Variants in PARP10 observed in about 807,000 individuals in gnomAD.
The protein encoded by PARP10 is protein mono-ADP-ribosyltransferase PARP10.
In PARP10, 56 loss-of-function variants were observed where a neutral mutation model predicts 82.4. The ratio of observed to expected loss-of-function variants is 0.68; its 90% CI spans 0.55 to 0.85. PARP10 has a LOEUF of 0.85. PARP10 is among the 40% of genes least tolerant of loss of function. The pLI is 0.00. For synonymous variants in PARP10, 576 were observed against 601.1 expected (o/e 0.96, Z 0.61); for missense variants, 1,227 against 1,379.4 (o/e 0.89, Z 1.75).
At position 143,986,398 on chromosome 8, in the gene PARP10, G is replaced by A. The variant is rs1224349322; in HGVS notation, c.-39C>T. The A allele has an allele frequency of 2.1e-5, 34 of 1,614,012 alleles. No homozygotes were observed. The highest frequency in any genetic ancestry group is 2.7e-5 in the Non-Finnish European group (32 of 1,179,992). On this transcript the variant is annotated 5_prime_UTR_variant, in exon 1 of 11. Transcript: ENST00000313028. ...TAGGCAGCCTCAGGCCATGAGCTCA[G>A]CCAGGACTCCTGTGCCTGCCCCTCA...
At chr8:143,994,028 C>G (rs1554751031), upstream of PARP10, among the ~76,000 whole-genome samples, 2 of 152,222 alleles carry the variant, frequency 1.3e-5, no homozygotes, top group Admixed American at 6.5e-5. Context: ...CAGGGGGTCC[C>G]TCCATTGCCT....
chr8:144,006,490 C>T (rs1477830395), intron 1 of PARP10, among the ~76,000 whole-genome samples: 2 of 152,196 alleles, frequency 1.3e-5, no homozygotes, highest in African/African-American at 4.8e-5. Context: ...GTGATGAAGA[C>T]TTTGGGGGCC....
intron 1 of PARP10, among the ~76,000 whole-genome samples, chr8:144,004,378 T>A (rs1395260069): frequency 1.3e-5 from 2 of 152,040 alleles, no homozygotes; most frequent in Non-Finnish European, 1.5e-5. Context: ...TGGGGACAGT[T>A]TTCGTTTTAC....
chr8:144,003,333 G>A (rs1216973380), intron 1 of PARP10, among the ~76,000 whole-genome samples: 1 of 151,270 alleles, frequency 6.6e-6, no homozygotes, highest in African/African-American at 2.4e-5. Context: ...TGAGGCACAA[G>A]GATCGCTTGA....
intron 9 of PARP10, among the ~76,000 whole-genome samples, chr8:143,981,969 G>A (rs1833872845): frequency 6.6e-6 from 1 of 151,756 alleles, no homozygotes; most frequent in Non-Finnish European, 1.5e-5. Flanking sequence ...TCATGGTGAT[G>A]GTGTGATGGT....
Position 143,977,929 on chromosome 8 carries a change from G to GT in PARP10, c.2708dup (p.Asn903LysfsTer39). The GT allele has an allele frequency of 6.2e-7, 1 of 1,601,294 alleles. No individual in the cohort carries two copies. Among genetic ancestry groups the GT allele is most frequent in the Non-Finnish European group, 8.5e-7 (1 of 1,179,446 alleles). On this transcript the variant is annotated frameshift_variant, in exon 10 of 11. Transcript: ENST00000313028. LOFTEE classifies it low-confidence loss of function (END_TRUNC). ...CACCGTTGCGGCCGCAGAAGCTGCGGTTGAAGCCGTGGGCGCAGATGTCAG... is the reference window on the plus strand; with the variant it reads ...CACCGTTGCGGCCGCAGAAGCTGCGGTTTGAAGCCGTGGGCGCAGATGTCAG...
chr8:143,992,423 T>TCCCAGG (rs1554750699), upstream of PARP10: 6 of 1,613,066 alleles, frequency 3.7e-6, no homozygotes, highest in Admixed American at 1.0e-4. Flanking sequence ...TGAGCAGCTT[T>TCCCAGG]CCCAGGCCCA....
intron 1 of PARP10, among the ~76,000 whole-genome samples, chr8:144,001,896 G>GTGTGTA (rs1834206020): frequency 6.6e-6 from 1 of 151,734 alleles, no homozygotes; most frequent in African/African-American, 2.4e-5. Flanking sequence ...GTGTGTGTGT[G>GTGTGTA]TGTGTGTGTG....
upstream of PARP10, chr8:143,992,361 C>T (rs782651421): frequency 2.5e-6 from 4 of 1,600,022 alleles, no homozygotes; most frequent in African/African-American, 1.3e-5. Context: ...CCGTCGTCAT[C>T]TTCTCCATGC....
Position 143,977,756 on chromosome 8 carries a change from T to TGG in PARP10, c.2804_2805dup (p.Asn936ProfsTer15). On this transcript the variant is annotated frameshift_variant, in exon 11 of 11. Coordinates refer to ENST00000313028, the MANE Select transcript of PARP10 (RefSeq NM_032789.5). LOFTEE classifies it low-confidence loss of function (END_TRUNC). ...AACACCGCCTTATGGCCATCGGCGT[T>TGG]GGGGGGCGAGTAGCGGTCCTGCACC... 6.2e-7 allele frequency: 1 copy of TGG among 1,604,308 alleles called. No individual in the cohort carries two copies. Among genetic ancestry groups the TGG allele is most frequent in the Non-Finnish European group, 8.5e-7 (1 of 1,176,176 alleles).
rs782272919 is a variant in PARP10 at position 143,985,964 on chromosome 8, C to A, written c.193G>T (p.Val65Phe). The A allele has an allele frequency of 1.9e-6, 3 of 1,588,894 alleles. No individual in the cohort carries two copies. Among genetic ancestry groups the A allele is most frequent in the African/African-American group, 1.3e-5 (1 of 74,580 alleles). The change falls in exon 3 of 11, where the codon GTC (valine) becomes TTC (phenylalanine). Residue 65 changes from valine to phenylalanine, a missense_variant. Val to Phe is a conservative substitution (Grantham distance 50, BLOSUM62 -1). Transcript: ENST00000313028. ...AGTTCGTGATCTGCCTGGGCCAAGA[C>A]CCTCTCGGCGTCTGTGGGCAGGGGC... The part of the protein sequence containing the change: ...TFREPADAER[V>F]LAQADHELHG...
intron 1 of PARP10, chr8:144,012,391 A>T: frequency 1.3e-6 from 1 of 752,186 alleles, no homozygotes; most frequent in Non-Finnish European, 2.2e-6. Context: ...CACAATACCC[A>T]GGGCCCACTG....
chr8:143,992,050 G>A (rs781906385), upstream of PARP10: 8 of 1,613,918 alleles, frequency 5.0e-6, no homozygotes, highest in East Asian at 2.2e-5. Context: ...GACTTCCGGC[G>A]AAAGCACCCC....
chr8:143,987,043 C>T (rs1834003324), upstream of PARP10: 1 of 153,360 alleles, frequency 6.5e-6, no homozygotes, highest in South Asian at 2.0e-4. Context: ...CTGCACCTCC[C>T]CATCTCACAC....
chr8:143,984,266 A>C lies in PARP10; in HGVS notation c.1624T>G (p.Cys542Gly). ...LLQGLEAQFQCVFGTERLATA... is the reference protein window; with the variant it reads ...LLQGLEAQFQGVFGTERLATA... ...GCCAGGCGCTCTGTCCCAAAGACAC[A>C]CTGGAACTGAGCCTCCAGCCCCTGG... Residue 542 changes from cysteine to glycine, a missense_variant, in exon 6 of 11, where the codon TGT (cysteine) becomes GGT (glycine). Cys to Gly is a radical substitution (Grantham distance 159). Coordinates refer to ENST00000313028, the MANE Select transcript of PARP10 (RefSeq NM_032789.5). The C allele has an allele frequency of 6.2e-7, 1 of 1,614,042 alleles. No homozygotes were observed. The highest frequency in any genetic ancestry group is 8.5e-7 in the Non-Finnish European group (1 of 1,179,956).
At chr8:143,995,934 C>T (rs1433268482), upstream of PARP10, among the ~76,000 whole-genome samples, 1 of 152,222 alleles carries the variant, frequency 6.6e-6, no homozygotes, top group Non-Finnish European at 1.5e-5. Context: ...ACAGCTCTAG[C>T]CTGGCTCTAG....
upstream of PARP10, among the ~76,000 whole-genome samples, chr8:143,994,236 G>A (rs1474906134): frequency 1.3e-5 from 2 of 152,176 alleles, no homozygotes; most frequent in African/African-American, 4.8e-5. Flanking sequence ...CCACCCTGAT[G>A]TCCGCGGGCA....
At chr8:143,992,331 C>A, upstream of PARP10, 2 of 1,588,574 alleles carry the variant, frequency 1.3e-6, no homozygotes, top group South Asian at 1.1e-5. Flanking sequence ...CCGTGGGCAT[C>A]ACCACAGCCG....
At position 144,008,552 on chromosome 8, in the gene PARP10, G is replaced by A. The variant is rs1554752220; in HGVS notation, c.-80+3978C>T. Among the ~76,000 whole-genome samples, 1 of 152,166 alleles carries A rather than the reference G, an allele frequency of 6.6e-6. No homozygotes were observed. The stretch of plus-strand genomic sequence containing the variant: ...GTTCACAGTGAGCCCCTAACGGGCC[G>A]GGAGGAGCGCAAACCCCGAGTGCAC... On this transcript the variant is annotated intron_variant, in intron 1 of 3. Transcript: ENST00000530478. The surrounding 1 kb of genome is among the most constrained non-coding windows in gnomAD (Gnocchi z 4.0).
Sources: gnomAD v4.1 joint callset for allele counts (sites outside exome capture counted in the v4.1 genomes callset) on GRCh38, gnomAD v4.1.1 for gene constraint, Gnocchi (gnomAD v3.1) non-coding constraint, MANE v1.5 for transcripts, NCBI Gene and HGNC (gene_info 2026-07-23, HGNC 2026-07-21) for gene names.